ADGRV1: variants seen among roughly 807,000 people sequenced by gnomAD.
ADGRV1 encodes G-protein coupled receptor 98.
Under a neutral mutation model 596.2 loss-of-function variants are expected in ADGRV1, and 359 were observed. That is an observed-to-expected ratio of 0.60 (90% CI 0.55 to 0.66). The LOEUF (loss-of-function observed/expected upper bound fraction) is 0.66. ADGRV1 is among the 30% of genes least tolerant of loss of function. The pLI, the probability that ADGRV1 is intolerant of heterozygous loss-of-function variation, is 0.00. For missense variants in ADGRV1, 7,274 were observed against 7,575.6 expected (o/e 0.96, Z 1.48); for synonymous variants, 2,681 against 2,679.2 (o/e 1.00, Z -0.02).
intron 44 of ADGRV1, among the ~76,000 whole-genome samples, 154 bp downstream of exon 44, chr5:90,720,377 TA>T (rs1242843128): frequency 2.6e-5 from 4 of 152,248 alleles, no homozygotes; most frequent in Admixed American, 6.5e-5. Context: ...AGAGACCAGT[TA>T]CTCTCCTAAC....
At chr5:91,140,391 A>G (rs1364469891) in intron 87 of ADGRV1, among the ~76,000 whole-genome samples, 1 of 152,192 alleles carries the variant, frequency 6.6e-6, no homozygotes, top group Non-Finnish European at 1.5e-5. Flanking sequence ...TGTTTTCAAA[A>G]AGGTAATTAA....
At chr5:90,905,430 A>AT (rs769335053) in intron 83 of ADGRV1, among the ~76,000 whole-genome samples, 29 of 151,826 alleles carry the variant, frequency 1.9e-4, no homozygotes, top group Non-Finnish European at 3.2e-4. Context: ...TATAGTTTTT[A>AT]TTATAAAGTT....
chr5:90,609,908 C>T (rs1428611173), intron 1 of ADGRV1, among the ~76,000 whole-genome samples: 1 of 151,954 alleles, frequency 6.6e-6, no homozygotes, highest in Non-Finnish European at 1.5e-5. Context: ...GAGATAGAGT[C>T]AACTTTCAAA....
In ADGRV1 at chr5:90,725,530, T is replaced by G; in HGVS notation, c.10054-19T>G. 7.8e-7 allele frequency: 1 copy of G among 1,275,188 alleles called. No individual in the cohort carries two copies. The highest frequency in any genetic ancestry group is 1.1e-6 in the Non-Finnish European group (1 of 873,200). The allele number at this position is 1,275,188 out of a possible 1,614,324, so 79.0% of individuals were successfully genotyped here. A position where few individuals can be genotyped will look rare whatever the true frequency, so the allele number is the denominator to read the frequency against. The stretch of plus-strand genomic sequence containing the variant: ...GTTCAACTCTCCTTTAAGTTTTCAT[T>G]CCCACTCTGTCCTTGCAGGTACAAA... On this transcript the variant is annotated intron_variant, in intron 47 of 89. Coordinates refer to ENST00000405460, the MANE Select transcript of ADGRV1 (RefSeq NM_032119.4).
intron 83 of ADGRV1, among the ~76,000 whole-genome samples, chr5:90,871,708 C>T (rs1236821640): frequency 6.6e-6 from 1 of 152,170 alleles, no homozygotes; most frequent in East Asian, 1.9e-4. Context: ...TCCTTGATGT[C>T]CCTGACTAGG....
chr5:90,758,319 C>T (rs1373554589), intron 57 of ADGRV1, among the ~76,000 whole-genome samples: 1 of 151,890 alleles, frequency 6.6e-6, no homozygotes, highest in African/African-American at 2.4e-5. Flanking sequence ...GGCAACAAAG[C>T]GAGACTCCAT....
intron 83 of ADGRV1, among the ~76,000 whole-genome samples, chr5:90,927,896 A>C (rs987248201): frequency 1.3e-5 from 2 of 152,052 alleles, no homozygotes; most frequent in African/African-American, 4.8e-5. Flanking sequence ...TATGAAGCGT[A>C]GTTTGGCTGG....
At chr5:90,805,526 C>A (rs778001740) in intron 72 of ADGRV1, 68 bp downstream of exon 72, 143 of 1,305,080 alleles carry the variant, frequency 1.1e-4, no homozygotes, top group Non-Finnish European at 1.5e-4. Flanking sequence ...CACTAATTGT[C>A]TTGGGTTATC....
At chr5:90,637,666 T>C (rs760357782) in intron 10 of ADGRV1, 59 bp from the exon 11 acceptor site, 237 of 1,212,244 alleles carry the variant, frequency 2.0e-4, no homozygotes, top group Admixed American at 3.8e-4. Context: ...TACCAAAGCT[T>C]ATATAATTTC....
Position 90,697,146 on chromosome 5 carries a change from G to A in ADGRV1, c.8155G>A (p.Gly2719Arg), listed in dbSNP as rs1561547247. 3 of 1,609,250 alleles carry A rather than the reference G, an allele frequency of 1.9e-6. No homozygotes were observed. Among genetic ancestry groups the A allele is most frequent in the Admixed American group, 1.7e-5 (1 of 59,700 alleles). The part of the protein sequence containing the change: ...TASRSVIGHE[G>R]EILQFHVIRT... ...TTCCAGATCTGTCATAGGTCATGAA[G>A]GTGGGTTCCTTTTTTTGTTAAGCAT... is the stretch of plus-strand genomic sequence containing the variant. The change falls in exon 34 of 90, where the codon GGA becomes AGA. Residue 2719 changes from glycine to arginine, a missense_variant and splice_region_variant. Gly to Arg is a moderately radical substitution (Grantham distance 125). This residue lies in a region of ADGRV1 where 3,643 missense variants were observed against 3,809.2 expected (regional missense o/e 0.96). Coordinates refer to ENST00000405460, the MANE Select transcript of ADGRV1 (RefSeq NM_032119.4).
At chr5:90,613,958 G>A (rs1209553165) in intron 1 of ADGRV1, among the ~76,000 whole-genome samples, 1 of 152,028 alleles carries the variant, frequency 6.6e-6, no homozygotes, top group African/African-American at 2.4e-5. Context: ...TTATGTTCGT[G>A]TGAATGATCA....
chr5:90,663,311 G>T (rs1284215442), intron 21 of ADGRV1, among the ~76,000 whole-genome samples: 1 of 149,618 alleles, frequency 6.7e-6, no homozygotes, highest in Non-Finnish European at 1.5e-5. Context: ...ATTCTAACTG[G>T]TGTGAGATGG....
At chr5:90,820,787 T>C (rs10474331) in intron 75 of ADGRV1, among the ~76,000 whole-genome samples, 118,090 of 151,478 alleles carry the variant, frequency 0.78, 49,934 homozygotes, top group Non-Finnish European at 0.94. Flanking sequence ...AGAGATCCGC[T>C]GTTAGTCTGA....
Position 90,962,111 on chromosome 5 carries a change from C to A in ADGRV1, c.17857-3304C>A, listed in dbSNP as rs557223174. Reference sequence around the variant, plus strand: ...TTTAAATTTAAAACTTGTTTAAGGACCTTTAAACATGTTAATTATCCTATA... The same window carrying A: ...TTTAAATTTAAAACTTGTTTAAGGAACTTTAAACATGTTAATTATCCTATA... On this transcript the variant is annotated intron_variant, in intron 83 of 89. Transcript: ENST00000405460. Among the ~76,000 whole-genome samples the A allele has an allele frequency of 4.6e-5, 7 of 152,234 alleles. No homozygotes were observed. In the East Asian group the frequency reaches 1.2e-3, roughly 25 times the overall value.
chr5:90,624,471 T>C (rs1764484201), intron 5 of ADGRV1, among the ~76,000 whole-genome samples: 1 of 152,208 alleles, frequency 6.6e-6, no homozygotes, highest in Non-Finnish European at 1.5e-5. Flanking sequence ...TTTGGAGTGC[T>C]TAATATTGCC....
intron 82 of ADGRV1, among the ~76,000 whole-genome samples, chr5:90,856,524 T>C (rs569083440): frequency 6.6e-6 from 1 of 152,336 alleles, no homozygotes; most frequent in South Asian, 2.1e-4. Flanking sequence ...ATTAATTATA[T>C]GGTCGGGCAT....
At chr5:90,629,656 G>A in intron 9 of ADGRV1, 117 bp downstream of exon 9, 1 of 740,832 alleles carries the variant, frequency 1.3e-6, no homozygotes, top group Non-Finnish European at 2.1e-6. Flanking sequence ...TTTATATGTT[G>A]TTACTAAAAG....
At chr5:90,876,683 T>G (rs1457289801) in intron 83 of ADGRV1, among the ~76,000 whole-genome samples, 1 of 152,196 alleles carries the variant, frequency 6.6e-6, no homozygotes, top group East Asian at 1.9e-4. Flanking sequence ...TATAGGAAAG[T>G]CAGATGAGGT....
At chr5:91,112,285 G>A (rs1792439792) in intron 87 of ADGRV1, among the ~76,000 whole-genome samples, 1 of 152,160 alleles carries the variant, frequency 6.6e-6, no homozygotes, top group South Asian at 2.1e-4. Flanking sequence ...CCAAACAGGT[G>A]CCTCCATTTC....
Sources: allele counts gnomAD v4.1 joint callset (sites outside exome capture counted in the v4.1 genomes callset), GRCh38; gene constraint gnomAD v4.1.1; regional missense constraint gnomAD v4.1.1; transcripts MANE v1.5; gene names NCBI Gene and HGNC (gene_info 2026-07-23, HGNC 2026-07-21).